ZNF680: variants seen among roughly 807,000 people sequenced by gnomAD.
The protein encoded by ZNF680 is zinc finger protein 680.
In ZNF680, 6 loss-of-function variants were observed where a neutral mutation model predicts 12.1. That is an observed-to-expected ratio of 0.49 (90% CI 0.27 to 0.98). ZNF680 has a LOEUF of 0.98. ZNF680 is among the 50% of genes least tolerant of loss of function. The pLI is 0.12. For missense variants in ZNF680, 561 were observed against 616.3 expected (o/e 0.91, Z 0.95); for synonymous variants, 170 against 199.3 (o/e 0.85, Z 1.24).
At position 64,558,242 on chromosome 7, in the gene ZNF680, A is replaced by G. The variant is rs971857694; in HGVS notation, c.30+4683T>C. Among the ~76,000 whole-genome samples the G allele has an allele frequency of 3.9e-4, 59 of 152,182 alleles. 1 individual carries two copies. The highest frequency in any genetic ancestry group is 1.2e-3 in the Admixed American group (19 of 15,280). On this transcript the variant is annotated intron_variant, in intron 1 of 3. Coordinates refer to ENST00000309683, the MANE Select transcript of ZNF680 (RefSeq NM_178558.5). ...TGGGGATATGCAGGAGACTATAAACACTTTTGTGGATTTTTGGCAAAAAAA... is the reference window on the plus strand; with the variant it reads ...TGGGGATATGCAGGAGACTATAAACGCTTTTGTGGATTTTTGGCAAAAAAA...
At chr7:64,510,478 G>A in the ZNF680 span, among the ~76,000 whole-genome samples, 1 of 151,890 alleles carries the variant, frequency 6.6e-6, no homozygotes, top group Non-Finnish European at 1.5e-5. Context: ...GCAAAAACAG[G>A]CTGTTTCCAA....
chr7:64,535,709 C>T lies in ZNF680; in HGVS notation c.253+7998G>A, dbSNP rs139148816. The stretch of plus-strand genomic sequence containing the variant: ...CTGTAATCCCAGCACTTTGGGAGTC[C>T]GAAGCAGGTGAATCACTTGAGGTCA... On this transcript the variant is annotated intron_variant, in intron 3 of 3. Transcript: ENST00000309683. Among the ~76,000 whole-genome samples the T allele has an allele frequency of 5.3e-3, 798 of 151,934 alleles. 2 individuals are homozygous for T. Among genetic ancestry groups the T allele is most frequent in the Non-Finnish European group, 7.4e-3 (504 of 67,966 alleles).
intron 3 of ZNF680, chr7:64,526,587 A>C: frequency 2.6e-6 from 1 of 384,554 alleles, no homozygotes; most frequent in East Asian, 3.8e-5. Flanking sequence ...GCTGGACAGC[A>C]TCATAAAACT....
rs1786811546 is a variant in ZNF680, at chr7:64,546,822, C to CAA, written c.31-2392_31-2391dup. The stretch of plus-strand genomic sequence containing the variant: ...CCAGCAATTTCTGCTACAATAATGG[C>CAA]AATATGGGCCACACTGACCTGTCTC... On this transcript the variant is annotated intron_variant, in intron 1 of 3. Coordinates refer to ENST00000309683, the MANE Select transcript of ZNF680 (RefSeq NM_178558.5). Among the ~76,000 whole-genome samples, 9 of 152,198 alleles carry CAA rather than the reference C, an allele frequency of 5.9e-5. No individual in the cohort carries two copies. The South Asian group carries it at 1.9e-3, about 32-fold the overall frequency.
At chr7:64,542,811 G>A (rs1026821645) in intron 3 of ZNF680, among the ~76,000 whole-genome samples, 2 of 152,118 alleles carry the variant, frequency 1.3e-5, no homozygotes, top group African/African-American at 2.4e-5. Context: ...CAATTCTCCT[G>A]CCTCAGCCTT....
the ZNF680 span, chr7:64,501,109 G>A: frequency 2.1e-6 from 2 of 975,074 alleles, no homozygotes; most frequent in East Asian, 2.4e-5. Context: ...AGGAAAAGCA[G>A]GTGTGAAATG....
chr7:64,517,414 G>C (rs866554224), downstream of ZNF680, among the ~76,000 whole-genome samples: 10 of 152,038 alleles, frequency 6.6e-5, no homozygotes, highest in South Asian at 2.1e-4. Context: ...CAGAAACCCT[G>C]AACAGACCAA....
chr7:64,507,758 G>C, the ZNF680 span, among the ~76,000 whole-genome samples: 1 of 150,862 alleles, frequency 6.6e-6, no homozygotes, highest in African/African-American at 2.4e-5. Context: ...TTAGAAAAAA[G>C]AGAGAAATAA....
intron 3 of ZNF680, 28 bp downstream of exon 3, chr7:64,543,679 T>C (rs201584277): frequency 1.2e-4 from 187 of 1,570,560 alleles, no homozygotes; most frequent in Non-Finnish European, 1.5e-4. Flanking sequence ...CTGTGTCATC[T>C]GTTGTATTCA....
In ZNF680 at chr7:64,522,415, T is replaced by C; in HGVS notation, c.339A>G (p.Gly113=). The part of the protein sequence containing the change: ...SFQKVILRGY[G]KCGHENLQLR... ...ATTGTAAATTCTCATGTCCACATTT[T>C]CCATATCCTCTCAGTATCACTTTTT... The change falls in exon 4 of 4, where the codon GGA becomes GGG. Residue 113 remains glycine, a synonymous_variant. Transcript: ENST00000309683. 1 of 1,611,322 alleles carries C rather than the reference T, an allele frequency of 6.2e-7. No homozygotes were observed. Among genetic ancestry groups the C allele is most frequent in the Non-Finnish European group, 8.5e-7 (1 of 1,178,740 alleles).
At chr7:64,510,248 T>C in the ZNF680 span, among the ~76,000 whole-genome samples, 17 of 151,016 alleles carry the variant, frequency 1.1e-4, no homozygotes, top group Non-Finnish European at 2.5e-4. Flanking sequence ...AAAAACTTTC[T>C]AATATGCATT....
At chr7:64,519,211 A>G (rs541812801), downstream of ZNF680, among the ~76,000 whole-genome samples, 53 of 152,086 alleles carry the variant, frequency 3.5e-4, no homozygotes, top group Middle Eastern at 3.4e-3. Flanking sequence ...AAGAAGATAT[A>G]CGAATGGCCA....
intron 3 of ZNF680, among the ~76,000 whole-genome samples, chr7:64,539,121 A>G (rs2116466158): frequency 8.9e-6 from 1 of 112,490 alleles, no homozygotes; most frequent in Admixed American, 1.0e-4. Context: ...GCAGAGCAAG[A>G]CTCCATCTCA....
chr7:64,548,676 A>T (rs1786905243), intron 1 of ZNF680, among the ~76,000 whole-genome samples: 1 of 152,136 alleles, frequency 6.6e-6, no homozygotes, highest in Non-Finnish European at 1.5e-5. Flanking sequence ...ACAGAAGCAT[A>T]ATTAACCACT....
chr7:64,551,768 TCA>T (rs2116524542), intron 1 of ZNF680: 1 of 153,866 alleles, frequency 6.5e-6, no homozygotes, highest in South Asian at 2.1e-4. Context: ...AAAACAGCTC[TCA>T]GTCTCAGAAA....
intron 3 of ZNF680, among the ~76,000 whole-genome samples, chr7:64,543,176 C>T (rs1199751387): frequency 1.3e-5 from 2 of 152,000 alleles, no homozygotes; most frequent in Non-Finnish European, 2.9e-5. Flanking sequence ...CTACAATAAA[C>T]TTTGAATAGT....
intron 2 of ZNF680, 188 bp downstream of exon 2, chr7:64,544,117 TG>T: frequency 1.3e-6 from 1 of 778,580 alleles, no homozygotes; most frequent in Non-Finnish European, 1.9e-6. Flanking sequence ...CTCAGGAATG[TG>T]GAAAGTTCAG....
At chr7:64,501,545 G>A in the ZNF680 span, 1 of 761,262 alleles carries the variant, frequency 1.3e-6, no homozygotes, top group South Asian at 1.4e-5. Context: ...GGAGCTCAGT[G>A]AAGAAAAATG....
intron 1 of ZNF680, among the ~76,000 whole-genome samples, chr7:64,560,099 A>T (rs1326395287): frequency 6.9e-6 from 1 of 145,298 alleles, no homozygotes; most frequent in East Asian, 2.0e-4. Context: ...GTGGAAATGT[A>T]TTCATTTTCT....
Sources: gnomAD v4.1 joint callset for allele counts (sites outside exome capture counted in the v4.1 genomes callset) on GRCh38, gnomAD v4.1.1 for gene constraint, MANE v1.5 for transcripts, NCBI Gene and HGNC (gene_info 2026-07-23, HGNC 2026-07-21) for gene names.